PRKN: variants seen among roughly 807,000 people sequenced by gnomAD.
PRKN encodes E3 ubiquitin-protein ligase parkin.
Under a neutral mutation model 59.5 loss-of-function variants are expected in PRKN, and 56 were observed. The observed-to-expected ratio is 0.94, with a 90% CI of 0.76 to 1.18. The LOEUF (loss-of-function observed/expected upper bound fraction) is 1.18, where lower values mean the gene tolerates loss of function less well. Ranked by LOEUF, PRKN falls within the 50% of genes most tolerant of loss-of-function variation. The pLI, the probability that PRKN is intolerant of heterozygous loss-of-function variation, is 0.00. For synonymous variants in PRKN, 250 were observed against 222.1 expected (o/e 1.13, Z -1.12); for missense variants, 657 against 596.4 (o/e 1.10, Z -1.06).
chr6:162,160,938 T>C (rs1336164318), intron 4 of PRKN, among the ~76,000 whole-genome samples: 2 of 141,506 alleles, frequency 1.4e-5, no homozygotes, highest in Non-Finnish European at 3.1e-5. Context: ...GGACTTTCTA[T>C]CAGGCAGAGA....
chr6:161,900,489 A>T (rs551531175), intron 6 of PRKN, among the ~76,000 whole-genome samples: 403 of 141,314 alleles, frequency 2.9e-3, no homozygotes, highest in African/African-American at 6.5e-3. Flanking sequence ...ATATAATATA[A>T]ATTATATATT....
chr6:162,488,027 C>CTTTTTTTGT (rs1562323928), intron 1 of PRKN, among the ~76,000 whole-genome samples: 10 of 109,772 alleles, frequency 9.1e-5, no homozygotes, highest in East Asian at 3.2e-4. Flanking sequence ...CACCATTTCC[C>CTTTTTTTGT]TTTTTTTTTT....
rs989643243 is a variant in PRKN at position 161,402,182 on chromosome 6, C to T, written c.1084-15305G>A. 2.0e-5 allele frequency among the ~76,000 whole-genome samples: 3 copies of T among 152,008 alleles called. No individual in the cohort carries two copies. Among genetic ancestry groups the T allele is most frequent in the Non-Finnish European group, 4.4e-5 (3 of 68,014 alleles). ...CAAAGATAACTCATGCCTCGGGGGT[C>T]GTGAGCAGGAGGTGAAGCCAAATGC... On this transcript the variant is annotated intron_variant, in intron 9 of 11. Coordinates refer to ENST00000366898, the MANE Select transcript of PRKN (RefSeq NM_004562.3). The surrounding 1 kb of genome is among the most constrained non-coding windows in gnomAD (Gnocchi z 4.5).
rs1562486993 is a variant in PRKN at position 162,056,150 on chromosome 6, C to CACGCACGCACACCAAGACACACCACACAT, written c.535-1977_535-1976insATGTGTGGTGTGTCTTGGTGTGCGTGCGT. 2.7e-5 allele frequency among the ~76,000 whole-genome samples: 4 copies of CACGCACGCACACCAAGACACACCACACAT among 150,810 alleles called. No individual in the cohort carries two copies. Among genetic ancestry groups the CACGCACGCACACCAAGACACACCACACAT allele is most frequent in the Non-Finnish European group, 3.0e-5 (2 of 67,674 alleles). On this transcript the variant is annotated intron_variant, in intron 4 of 11. Coordinates refer to ENST00000366898, the MANE Select transcript of PRKN (RefSeq NM_004562.3). This position sits in a 1 kb window ranked among gnomAD's most constrained non-coding sequence, Gnocchi z 4.9. ...CACGCACACCAAGACACACCACACA[C>CACGCACGCACACCAAGACACACCACACAT]GCACGCACACCAAAACACACCACAC...
At position 161,786,687 on chromosome 6, in the gene PRKN, A is replaced by G. The variant is rs536998965; in HGVS notation, c.735-779T>C. Among the ~76,000 whole-genome samples, 356 of 152,296 alleles carry G rather than the reference A, an allele frequency of 2.3e-3. 1 individual carries two copies. The highest frequency in any genetic ancestry group is 3.4e-3 in the Non-Finnish European group (232 of 68,010). On this transcript the variant is annotated intron_variant, in intron 6 of 11. Coordinates refer to ENST00000366898, the MANE Select transcript of PRKN (RefSeq NM_004562.3). The stretch of plus-strand genomic sequence containing the variant: ...TCAAAAGAAAAATTACTATTGCATC[A>G]AAGTAAAAACGTTAAACATTTTCTC...
At chr6:162,263,084 C>T (rs1779965039) in intron 2 of PRKN, among the ~76,000 whole-genome samples, 1 of 152,012 alleles carries the variant, frequency 6.6e-6, no homozygotes, top group African/African-American at 2.4e-5. Context: ...AACAATAATT[C>T]CTTTTTTCCC....
intron 3 of PRKN, among the ~76,000 whole-genome samples, chr6:162,206,892 C>T (rs1304272686): frequency 6.6e-6 from 1 of 152,216 alleles, no homozygotes; most frequent in Non-Finnish European, 1.5e-5. Flanking sequence ...CCTCTGATGT[C>T]CAGCAAGCGC....
chr6:161,839,201 G>T (rs1268765614), intron 6 of PRKN, among the ~76,000 whole-genome samples: 1 of 152,128 alleles, frequency 6.6e-6, no homozygotes. Flanking sequence ...GAGAAAGATT[G>T]TACTGGGAAG....
intron 5 of PRKN, among the ~76,000 whole-genome samples, chr6:162,045,111 C>T (rs1325111345): frequency 2.0e-5 from 3 of 152,240 alleles, no homozygotes; most frequent in African/African-American, 4.8e-5. Context: ...ACTTGCTCTG[C>T]GGAATCTGAA....
At chr6:161,635,250 A>G (rs1167952999) in intron 7 of PRKN, among the ~76,000 whole-genome samples, 1 of 152,210 alleles carries the variant, frequency 6.6e-6, no homozygotes, top group East Asian at 1.9e-4. Context: ...AAAAAACATC[A>G]ACCAGAAAAA....
intron 7 of PRKN, among the ~76,000 whole-genome samples, chr6:161,625,102 ACACATG>A (rs2128152256): frequency 6.6e-6 from 1 of 152,378 alleles, no homozygotes; most frequent in African/African-American, 2.4e-5. Flanking sequence ...TACTATAAAG[ACACATG>A]CACATGTATG....
intron 1 of PRKN, among the ~76,000 whole-genome samples, chr6:162,589,194 C>T (rs1781197745): frequency 1.3e-5 from 2 of 152,140 alleles, no homozygotes. Flanking sequence ...TAAAGCAACA[C>T]AAACACATAC....
intron 1 of PRKN, among the ~76,000 whole-genome samples, chr6:162,654,079 G>A (rs1778549225): frequency 6.6e-6 from 1 of 152,108 alleles, no homozygotes; most frequent in Non-Finnish European, 1.5e-5. Flanking sequence ...CATGCTATAG[G>A]AAAGAATGAT....
At chr6:161,910,411 C>T (rs995111568) in intron 6 of PRKN, among the ~76,000 whole-genome samples, 2 of 152,080 alleles carry the variant, frequency 1.3e-5, no homozygotes, top group Non-Finnish European at 2.9e-5. Context: ...CCTGCTACCA[C>T]ACCCGGCTAA....
At chr6:161,909,846 C>T (rs973360749) in intron 6 of PRKN, among the ~76,000 whole-genome samples, 7 of 152,144 alleles carry the variant, frequency 4.6e-5, no homozygotes, top group African/African-American at 7.2e-5. Context: ...CATGACCTAA[C>T]GTTGTGGTTA....
intron 2 of PRKN, among the ~76,000 whole-genome samples, chr6:162,342,638 A>C (rs1784230648): frequency 6.6e-6 from 1 of 152,142 alleles, no homozygotes; most frequent in Non-Finnish European, 1.5e-5. Context: ...TGTGCTAGGG[A>C]GGGAAGAATC....
chr6:162,558,045 T>A (rs1382187849), intron 1 of PRKN, among the ~76,000 whole-genome samples: 2 of 152,008 alleles, frequency 1.3e-5, no homozygotes, highest in Non-Finnish European at 2.9e-5. Context: ...TGAGAACCTA[T>A]ATATTAATAT....
At chr6:161,808,895 C>T (rs982573087) in intron 6 of PRKN, among the ~76,000 whole-genome samples, 9 of 152,120 alleles carry the variant, frequency 5.9e-5, no homozygotes, top group African/African-American at 1.9e-4. Context: ...GGCTGGAGCG[C>T]GGTGGTGCGA....
Position 161,719,757 on chromosome 6 carries a change from C to T in PRKN, c.871+66015G>A, listed in dbSNP as rs538064631. 2.0e-5 allele frequency among the ~76,000 whole-genome samples: 3 copies of T among 152,198 alleles called. No individual in the cohort carries two copies. The South Asian group carries it at 6.2e-4, about 32-fold the overall frequency. On this transcript the variant is annotated intron_variant, in intron 7 of 11. Coordinates refer to ENST00000366898, the MANE Select transcript of PRKN (RefSeq NM_004562.3). ...TCCTCCTGCCTTAGCCTGCTGAGTA[C>T]CTGGGACTACAGACATGCACCACCA...
Sources: allele counts gnomAD v4.1 joint callset (sites outside exome capture counted in the v4.1 genomes callset), GRCh38; gene constraint gnomAD v4.1.1; non-coding constraint Gnocchi (gnomAD v3.1); transcripts MANE v1.5; gene names NCBI Gene and HGNC (gene_info 2026-07-23, HGNC 2026-07-21).